The following CDH19 variants were observed in gnomAD, a reference collection of about 807,000 sequenced individuals.
CDH19 encodes cadherin-19.
A neutral mutation model predicts 64.2 loss-of-function variants in CDH19; 67 were observed. That is an observed-to-expected ratio of 1.04 (90% CI 0.86 to 1.28). The LOEUF (loss-of-function observed/expected upper bound fraction) is 1.28, where lower values mean the gene tolerates loss of function less well. CDH19 is among the 50% of genes most tolerant of loss of function. The probability of loss-of-function intolerance (pLI) is 0.00; values close to 1 mark genes in which losing one functional copy is unlikely to be tolerated. For missense variants in CDH19, 1,030 were observed against 929.0 expected, an observed-to-expected ratio of 1.11 and a Z score of -1.41; for synonymous variants, 346 against 319.3, an observed-to-expected ratio of 1.08 and a Z score of -0.89.
At position 66,516,826 on chromosome 18, in the gene CDH19, G is replaced by A. The variant is rs181288971; in HGVS notation, c.1459-5141C>T. 1.9e-3 allele frequency among the ~76,000 whole-genome samples: 282 copies of A among 152,088 alleles called. 2 individuals carry two copies. Among genetic ancestry groups the A allele is most frequent in the Non-Finnish European group, 3.4e-3 (234 of 67,948 alleles). ...AGGTTCACTCTAGAAGAGAATATAG[G>A]TTCCTATTAGGGTAGAAAGAATGAT... On this transcript the variant is annotated intron_variant, in intron 9 of 11. Coordinates refer to ENST00000262150, the MANE Select transcript of CDH19 (RefSeq NM_021153.4).
At chr18:66,514,324 C>A (rs1023479991) in intron 9 of CDH19, among the ~76,000 whole-genome samples, 17 of 151,224 alleles carry the variant, frequency 1.1e-4, no homozygotes, top group African/African-American at 4.1e-4. Context: ...AAAAATATGT[C>A]TCATAAAAGT....
At chr18:66,550,625 T>C (rs999257591) in intron 5 of CDH19, among the ~76,000 whole-genome samples, 4 of 152,064 alleles carry the variant, frequency 2.6e-5, no homozygotes, top group Admixed American at 2.6e-4. Flanking sequence ...GTGAAGTATG[T>C]GACACTCCTT....
intron 1 of CDH19, among the ~76,000 whole-genome samples, chr18:66,586,498 G>C (rs1217451501): frequency 2.0e-5 from 3 of 151,670 alleles, no homozygotes; most frequent in Non-Finnish European, 4.4e-5. Flanking sequence ...GAAGTAGTTA[G>C]AGAATATTAC....
intron 9 of CDH19, among the ~76,000 whole-genome samples, chr18:66,524,498 A>C (rs190076374): frequency 1.0e-4 from 15 of 148,654 alleles, no homozygotes; most frequent in African/African-American, 3.7e-4. Flanking sequence ...TATGTTAATT[A>C]ACTTGATTTA....
chr18:66,560,009 C>A (rs1428956707), intron 3 of CDH19, among the ~76,000 whole-genome samples: 1 of 151,832 alleles, frequency 6.6e-6, no homozygotes, highest in African/African-American at 2.4e-5. Flanking sequence ...ATGGTCCAGG[C>A]ATTTTTTGTT....
intron 7 of CDH19, 59 bp from the exon 8 acceptor site, chr18:66,535,166 A>G: frequency 9.4e-7 from 1 of 1,060,628 alleles, no homozygotes; most frequent in Non-Finnish European, 1.3e-6. Flanking sequence ...ACAGTGTTAG[A>G]TAATACTCTT....
At chr18:66,596,879 G>A (rs892562755) in intron 1 of CDH19, among the ~76,000 whole-genome samples, 72 of 150,768 alleles carry the variant, frequency 4.8e-4, no homozygotes, top group African/African-American at 1.7e-3. Flanking sequence ...TCAGGAGATC[G>A]AGACCATCCC....
rs140128430 is a variant in CDH19 at position 66,588,411 on chromosome 18, G to C, written c.-113+15543C>G. 4.8e-4 allele frequency among the ~76,000 whole-genome samples: 73 copies of C among 151,936 alleles called. 1 individual carries two copies. The highest frequency in any genetic ancestry group is 6.6e-4 in the Non-Finnish European group (45 of 67,942). ...AAATGCAGGACAATAAACTATGCTG[G>C]GTAGGAAAGAGTTCAGCGAGCCAGC... On this transcript the variant is annotated intron_variant, in intron 1 of 11. Transcript: ENST00000262150.
chr18:66,602,049 A>G (rs1335264370), intron 1 of CDH19, among the ~76,000 whole-genome samples: 1 of 152,090 alleles, frequency 6.6e-6, no homozygotes, highest in East Asian at 1.9e-4. Flanking sequence ...ATAGAAGATC[A>G]TCGATGTTAA....
In CDH19 at chr18:66,586,927, C is replaced by T. The variant is rs138717313; in HGVS notation, c.-112-14611G>A. Among the ~76,000 whole-genome samples the T allele has an allele frequency of 7.8e-3, 1,185 of 151,954 alleles. 18 individuals are homozygous for T. Among genetic ancestry groups the T allele is most frequent in the African/African-American group, 0.021 (876 of 41,456 alleles). ...ATCCTTTTATTTAATCTATTTTTAT[C>T]TTATATTAACATTTTAATTTTATTA... On this transcript the variant is annotated intron_variant, in intron 1 of 11. Transcript: ENST00000262150.
At chr18:66,548,317 G>T (rs370281995) in intron 5 of CDH19, among the ~76,000 whole-genome samples, 1 of 149,426 alleles carries the variant, frequency 6.7e-6, no homozygotes, top group African/African-American at 2.5e-5. Flanking sequence ...TTACTTTTGC[G>T]AAGCTCAAGG....
intron 1 of CDH19, among the ~76,000 whole-genome samples, chr18:66,576,188 T>C (rs1257158011): frequency 6.6e-6 from 1 of 151,362 alleles, no homozygotes; most frequent in Non-Finnish European, 1.5e-5. Context: ...ATGTTTAATA[T>C]TAACCATAAT....
intron 1 of CDH19, among the ~76,000 whole-genome samples, chr18:66,594,783 C>T (rs897372037): frequency 1.4e-5 from 2 of 141,036 alleles, no homozygotes; most frequent in Admixed American, 7.7e-5. Flanking sequence ...CATATTCTCA[C>T]TCATAGGTGG....
chr18:66,544,925 T>G lies in CDH19; in HGVS notation c.776-22A>C, dbSNP rs375257513. 3 of 1,523,864 alleles carry G rather than the reference T, an allele frequency of 2.0e-6. No homozygotes were observed. In the African/African-American group the frequency reaches 4.2e-5, roughly 21 times the overall value. The allele number at this position is 1,523,864 out of a possible 1,614,324, so 94.4% of individuals were successfully genotyped here. On this transcript the variant is annotated intron_variant, in intron 5 of 11. Coordinates refer to ENST00000262150, the MANE Select transcript of CDH19 (RefSeq NM_021153.4). ...AAACCTTTAAAAACAAAATTGGAGG[T>G]ATTTTGGATAAATACTTAATATAGA... is the stretch of plus-strand genomic sequence containing the variant.
chr18:66,506,463 A>G (rs1482562024), intron 11 of CDH19, among the ~76,000 whole-genome samples: 6 of 152,024 alleles, frequency 3.9e-5, no homozygotes, highest in Admixed American at 6.6e-5. Context: ...TAAATACAAT[A>G]AAATAAAAAA....
Position 66,544,066 on chromosome 18 carries a change from T to C in CDH19, c.1119A>G (p.Pro373=), listed in dbSNP as rs773798314. The change falls in exon 7 of 12, where the codon CCA becomes CCG. Residue 373 remains proline, a synonymous_variant. Transcript: ENST00000262150. ...DVDEPPLFLL[P]YYVFEVFEET... ...CTTCAAAAACTTCAAATACATAATA[T>C]GGAAGGAGGAAAAGAGGAGGCTCAT... 27 of 1,613,678 alleles carry C rather than the reference T, an allele frequency of 1.7e-5. No individual in the cohort carries two copies. The highest frequency in any genetic ancestry group is 2.3e-5 in the Non-Finnish European group (27 of 1,179,810).
At chr18:66,563,979 G>T (rs1325089613) in intron 3 of CDH19, among the ~76,000 whole-genome samples, 5 of 151,858 alleles carry the variant, frequency 3.3e-5, no homozygotes, top group Non-Finnish European at 7.4e-5. Flanking sequence ...AATAAGAAGA[G>T]AAATTCATCC....
chr18:66,600,342 A>G (rs1296563859), intron 1 of CDH19, among the ~76,000 whole-genome samples: 1 of 151,774 alleles, frequency 6.6e-6, no homozygotes, highest in Non-Finnish European at 1.5e-5. Flanking sequence ...GTTTTGTTTC[A>G]TAATATTTAA....
chr18:66,594,756 C>G (rs1049829037), intron 1 of CDH19, among the ~76,000 whole-genome samples: 7 of 146,868 alleles, frequency 4.8e-5, no homozygotes, highest in African/African-American at 1.8e-4. Context: ...ATCGCAAGAA[C>G]AAAAAACCAA....
Sources: gnomAD v4.1 joint callset for allele counts (sites outside exome capture counted in the v4.1 genomes callset) on GRCh38, gnomAD v4.1.1 for gene constraint, MANE v1.5 for transcripts, NCBI Gene and HGNC (gene_info 2026-07-23, HGNC 2026-07-21) for gene names.